ANGPT1: variants seen among roughly 807,000 people sequenced by gnomAD.
ANGPT1 encodes the protein angiopoietin 1.
A neutral mutation model predicts 62.2 loss-of-function variants in ANGPT1; 17 were observed. The ratio of observed to expected loss-of-function variants is 0.27; its 90% CI spans 0.19 to 0.41. ANGPT1 has a LOEUF of 0.41. Ranked by LOEUF, ANGPT1 falls within the 10% of genes least tolerant of loss-of-function variation. ANGPT1 has a pLI of 1.00. For synonymous variants in ANGPT1, 199 were observed against 198.9 expected, an observed-to-expected ratio of 1.00 and a Z score of 0.00; for missense variants, 478 against 594.9, an observed-to-expected ratio of 0.80 and a Z score of 2.04.
intron 1 of ANGPT1, among the ~76,000 whole-genome samples, chr8:107,419,595 T>C (rs1371078030): frequency 1.3e-5 from 2 of 152,148 alleles, no homozygotes; most frequent in Non-Finnish European, 1.5e-5. Context: ...TAAAGCTTAT[T>C]AAGTAAATTT....
chr8:107,432,799 A>G lies in ANGPT1; in HGVS notation c.297+64463T>C, dbSNP rs193181218. Among the ~76,000 whole-genome samples, 385 of 152,288 alleles carry G rather than the reference A, an allele frequency of 2.5e-3. 1 individual carries two copies. The highest frequency in any genetic ancestry group is 7.6e-3 in the African/African-American group (317 of 41,552). On this transcript the variant is annotated intron_variant, in intron 1 of 8. Coordinates refer to ENST00000517746, the MANE Select transcript of ANGPT1 (RefSeq NM_001146.5). ...TTATTTCAAAGGATATGTATATTAT[A>G]CTCTGGTTCATTCAAATAAATATTC... is the stretch of plus-strand genomic sequence containing the variant.
intron 1 of ANGPT1, among the ~76,000 whole-genome samples, chr8:107,433,756 T>C (rs1283681): frequency 0.72 from 109,026 of 152,050 alleles, 39,406 homozygotes; most frequent in East Asian, 0.85. Context: ...TCAATAGATA[T>C]CTGTGTAAAA....
intron 2 of ANGPT1, among the ~76,000 whole-genome samples, chr8:107,340,152 C>T (rs946880168): frequency 6.6e-6 from 1 of 152,074 alleles, no homozygotes; most frequent in East Asian, 1.9e-4. Context: ...TTGAAGTGTT[C>T]CATTAAAATG....
chr8:107,375,943 T>G (rs1418514162), intron 1 of ANGPT1, among the ~76,000 whole-genome samples: 1 of 152,182 alleles, frequency 6.6e-6, no homozygotes, highest in Non-Finnish European at 1.5e-5. Flanking sequence ...ATTGGATTTG[T>G]ATATTTTACT....
chr8:107,265,235 A>T (rs1344194506), intron 7 of ANGPT1, among the ~76,000 whole-genome samples: 1 of 152,116 alleles, frequency 6.6e-6, no homozygotes, highest in African/African-American at 2.4e-5. Flanking sequence ...CTATTTACTA[A>T]CCCCAGGAAT....
chr8:107,445,778 A>G (rs906452828), intron 1 of ANGPT1, among the ~76,000 whole-genome samples: 1 of 152,180 alleles, frequency 6.6e-6, no homozygotes, highest in Non-Finnish European at 1.5e-5. Flanking sequence ...TTAAACTAGA[A>G]CTGTTTAATA....
intron 1 of ANGPT1, among the ~76,000 whole-genome samples, chr8:107,423,855 T>TTC (rs1810965482): frequency 2.1e-5 from 2 of 96,516 alleles, no homozygotes; most frequent in African/African-American, 7.8e-5. Flanking sequence ...TTTTTTTTTT[T>TTC]TCTGAGACAG....
chr8:107,277,538 G>A (rs1003825052), intron 7 of ANGPT1, among the ~76,000 whole-genome samples: 3 of 152,120 alleles, frequency 2.0e-5, no homozygotes, highest in South Asian at 2.1e-4. Context: ...TCAGCTTTAC[G>A]TGTTTCATAC....
chr8:107,384,017 A>G (rs1008451736), intron 1 of ANGPT1, among the ~76,000 whole-genome samples: 6 of 152,218 alleles, frequency 3.9e-5, no homozygotes, highest in Non-Finnish European at 5.9e-5. Flanking sequence ...CTTCCATTGC[A>G]CATGTGGTAA....
intron 1 of ANGPT1, among the ~76,000 whole-genome samples, chr8:107,363,017 G>A (rs148583101): frequency 2.7e-4 from 41 of 151,796 alleles, no homozygotes; most frequent in African/African-American, 8.0e-4. Context: ...AGAATGTTGC[G>A]GCATGAAGAG....
At chr8:107,478,874 G>C (rs1231330148) in intron 1 of ANGPT1, among the ~76,000 whole-genome samples, 1 of 152,006 alleles carries the variant, frequency 6.6e-6, no homozygotes, top group East Asian at 1.9e-4. Context: ...ATCTGTCCCA[G>C]AGTTTGGTTC....
intron 1 of ANGPT1, among the ~76,000 whole-genome samples, chr8:107,425,126 G>A (rs1811006489): frequency 6.6e-6 from 1 of 152,206 alleles, no homozygotes; most frequent in African/African-American, 2.4e-5. Flanking sequence ...ACCCACCTCA[G>A]CCTCCCAAAG....
intron 1 of ANGPT1, among the ~76,000 whole-genome samples, chr8:107,397,652 G>A (rs1314351409): frequency 6.6e-6 from 1 of 152,084 alleles, no homozygotes; most frequent in Non-Finnish European, 1.5e-5. Context: ...TGGGGAGACC[G>A]GGGAAGGTGG....
intron 5 of ANGPT1, among the ~76,000 whole-genome samples, chr8:107,296,065 C>A (rs542965188): frequency 1.5e-3 from 224 of 152,114 alleles, no homozygotes; most frequent in African/African-American, 4.8e-3. Flanking sequence ...AGAATTGAAT[C>A]CTATGTCTAC....
intron 1 of ANGPT1, among the ~76,000 whole-genome samples, chr8:107,464,313 A>G (rs1563634315): frequency 6.6e-6 from 1 of 152,176 alleles, no homozygotes; most frequent in South Asian, 2.1e-4. Context: ...GCCTCTATGC[A>G]TCATGGTTTT....
At chr8:107,470,867 G>A (rs1586349952) in intron 1 of ANGPT1, among the ~76,000 whole-genome samples, 1 of 152,164 alleles carries the variant, frequency 6.6e-6, no homozygotes, top group Non-Finnish European at 1.5e-5. Context: ...GTACCAGTTA[G>A]AATGGCAATC....
At chr8:107,354,916 CTTT>C (rs780289972) in intron 1 of ANGPT1, among the ~76,000 whole-genome samples, 1 of 135,878 alleles carries the variant, frequency 7.4e-6, no homozygotes, top group Non-Finnish European at 1.6e-5. Context: ...GATGGTGTTG[CTTT>C]TTTTTTTTTT....
At chr8:107,491,434 A>C (rs1006622426) in intron 1 of ANGPT1, among the ~76,000 whole-genome samples, 1 of 152,202 alleles carries the variant, frequency 6.6e-6, no homozygotes, top group Non-Finnish European at 1.5e-5. Flanking sequence ...TACCATGAAG[A>C]AATAAAACAG....
intron 8 of ANGPT1, among the ~76,000 whole-genome samples, chr8:107,259,302 T>C (rs1563538073): frequency 6.6e-6 from 1 of 152,140 alleles, no homozygotes; most frequent in Non-Finnish European, 1.5e-5. Context: ...CATACACCAG[T>C]TGAAAAAACT....
Sources: gnomAD v4.1 joint callset for allele counts (sites outside exome capture counted in the v4.1 genomes callset) on GRCh38, gnomAD v4.1.1 for gene constraint, MANE v1.5 for transcripts, NCBI Gene and HGNC (gene_info 2026-07-23, HGNC 2026-07-21) for gene names.